ARSB: variants seen among roughly 807,000 people sequenced by gnomAD.
ARSB encodes N-acetylgalactosamine-4-sulfatase.
In ARSB, 41 loss-of-function variants were observed where a neutral mutation model predicts 50.9. That is an observed-to-expected ratio of 0.81 (90% CI 0.63 to 1.04). The LOEUF (loss-of-function observed/expected upper bound fraction) is 1.04. ARSB is among the 50% of genes least tolerant of loss of function. The pLI, the probability that ARSB is intolerant of heterozygous loss-of-function variation, is 0.00. For missense variants in ARSB, 672 were observed against 693.3 expected (o/e 0.97, Z 0.35); for synonymous variants, 269 against 284.8 (o/e 0.94, Z 0.56).
intron 6 of ARSB, among the ~76,000 whole-genome samples, chr5:78,826,612 T>A (rs1353060794): frequency 6.6e-6 from 1 of 152,192 alleles, no homozygotes; most frequent in East Asian, 1.9e-4. Flanking sequence ...TTCTTTTCTT[T>A]ATTGCTCTCC....
intron 7 of ARSB, 58 bp downstream of exon 7, chr5:78,781,794 G>A (rs1748932988): frequency 2.5e-6 from 4 of 1,610,900 alleles, no homozygotes; most frequent in Non-Finnish European, 3.4e-6. Flanking sequence ...CTGCCCTGAG[G>A]ACACAGCCCT....
Position 78,873,311 on chromosome 5 carries a change from G to T in ARSB, c.1142+12273C>A, listed in dbSNP as rs147705045. On this transcript the variant is annotated intron_variant, in intron 5 of 7. Coordinates refer to ENST00000264914, the MANE Select transcript of ARSB (RefSeq NM_000046.5). ...TACATGACATTCTCTATGTGAAAGC[G>T]TGTAGAGAATAGAAATTAAAAGAGA... Among the ~76,000 whole-genome samples the T allele has an allele frequency of 2.6e-5, 4 of 151,894 alleles. No homozygotes were observed. In the South Asian group the frequency reaches 8.3e-4, roughly 32 times the overall value.
intron 5 of ARSB, among the ~76,000 whole-genome samples, chr5:78,840,707 T>A (rs1300738550): frequency 6.8e-6 from 1 of 147,572 alleles, no homozygotes; most frequent in Non-Finnish European, 1.5e-5. Flanking sequence ...TAAATCACAG[T>A]GATCAGAGAC....
At chr5:78,784,660 G>A (rs1450054208) in intron 6 of ARSB, among the ~76,000 whole-genome samples, 1 of 152,086 alleles carries the variant, frequency 6.6e-6, no homozygotes, top group African/African-American at 2.4e-5. Flanking sequence ...TAGTACATGT[G>A]AACTTTTGTT....
intron 4 of ARSB, among the ~76,000 whole-genome samples, chr5:78,922,552 A>G (rs1749871621): frequency 6.6e-6 from 1 of 151,904 alleles, no homozygotes; most frequent in Non-Finnish European, 1.5e-5. Context: ...AGCAATACCC[A>G]GGCAGTACTT....
intron 5 of ARSB, among the ~76,000 whole-genome samples, chr5:78,849,759 CT>C (rs1334831306): frequency 2.0e-4 from 29 of 145,662 alleles, no homozygotes; most frequent in African/African-American, 5.9e-4. Context: ...TGTAGTTCTC[CT>C]TGAAGAGGTC....
chr5:78,897,123 C>A (rs961377115), intron 4 of ARSB, among the ~76,000 whole-genome samples: 2 of 151,908 alleles, frequency 1.3e-5, no homozygotes, highest in Admixed American at 1.3e-4. Context: ...ATTAAAACCA[C>A]GCAAAAAATA....
intron 6 of ARSB, among the ~76,000 whole-genome samples, chr5:78,835,713 A>G (rs1293652590): frequency 1.3e-5 from 2 of 152,204 alleles, no homozygotes; most frequent in Non-Finnish European, 2.9e-5. Context: ...GGAGAGAAGC[A>G]GAGTAAGCAG....
At chr5:78,929,077 A>C (rs1173401488) in intron 4 of ARSB, among the ~76,000 whole-genome samples, 1 of 152,070 alleles carries the variant, frequency 6.6e-6, no homozygotes, top group African/African-American at 2.4e-5. Flanking sequence ...CTCCCCTAAG[A>C]AGCTCCTCAA....
intron 5 of ARSB, among the ~76,000 whole-genome samples, chr5:78,870,902 T>A (rs907664765): frequency 3.3e-5 from 5 of 152,278 alleles, no homozygotes; most frequent in East Asian, 1.9e-4. Context: ...ACATGATTGT[T>A]TATCTAGAAA....
At chr5:78,846,338 T>C (rs2112017699) in intron 5 of ARSB, among the ~76,000 whole-genome samples, 1 of 152,332 alleles carries the variant, frequency 6.6e-6, no homozygotes, top group East Asian at 1.9e-4. Context: ...CTTTGTTCTT[T>C]TCATTCAGGA....
intron 4 of ARSB, among the ~76,000 whole-genome samples, chr5:78,895,889 TG>T (rs1368885195): frequency 1.3e-5 from 2 of 152,172 alleles, no homozygotes; most frequent in African/African-American, 4.8e-5. Flanking sequence ...AGGACATGGC[TG>T]TGACCTTAAG....
chr5:78,865,053 C>T (rs1055030678), intron 5 of ARSB, among the ~76,000 whole-genome samples: 2 of 152,012 alleles, frequency 1.3e-5, no homozygotes, highest in African/African-American at 2.4e-5. Context: ...TGCAAGCTGT[C>T]GTGGGTCTAT....
At position 78,779,368 on chromosome 5, in the gene ARSB, C is replaced by A. The variant is rs1186522900; in HGVS notation, c.*1029G>T. On this transcript the variant is annotated 3_prime_UTR_variant, in exon 8 of 8. Coordinates refer to ENST00000264914, the MANE Select transcript of ARSB (RefSeq NM_000046.5). ...GGCCACTTGCTTTTTCATATCCTTT[C>A]CTGAGGTTTCTTCTCACTGCTAGTA... 1.3e-5 allele frequency: 2 copies of A among 152,186 alleles called. No individual in the cohort carries two copies. Among genetic ancestry groups the A allele is most frequent in the East Asian group, 3.8e-4 (2 of 5,200 alleles). 9.4% of individuals were successfully genotyped at this position (152,186 alleles called of 1,614,324 possible). A position where few individuals can be genotyped will look rare whatever the true frequency, so the allele number is the denominator to read the frequency against.
At chr5:78,851,775 T>C (rs944847276) in intron 5 of ARSB, among the ~76,000 whole-genome samples, 6 of 152,226 alleles carry the variant, frequency 3.9e-5, no homozygotes, top group African/African-American at 1.4e-4. Flanking sequence ...TTAGGATAGT[T>C]AGCTCTTCTT....
chr5:78,867,129 C>A (rs2112128008), intron 5 of ARSB, among the ~76,000 whole-genome samples: 2 of 152,292 alleles, frequency 1.3e-5, no homozygotes, highest in African/African-American at 4.8e-5. Context: ...AAACGGCGTA[C>A]CACGAGACTA....
At chr5:78,924,845 C>T (rs1230830176) in intron 4 of ARSB, among the ~76,000 whole-genome samples, 1 of 152,176 alleles carries the variant, frequency 6.6e-6, no homozygotes, top group Non-Finnish European at 1.5e-5. Context: ...AAGCATTGTC[C>T]TGAAACACCA....
At chr5:78,847,633 G>A (rs577835273) in intron 5 of ARSB, among the ~76,000 whole-genome samples, 1 of 152,146 alleles carries the variant, frequency 6.6e-6, no homozygotes, top group African/African-American at 2.4e-5. Context: ...AGTTTGAGAA[G>A]AATTTTTATT....
At chr5:78,938,165 T>A (rs919419357) in intron 4 of ARSB, among the ~76,000 whole-genome samples, 13 of 152,078 alleles carry the variant, frequency 8.5e-5, no homozygotes, top group African/African-American at 3.1e-4. Flanking sequence ...AGAGGGGAGG[T>A]GGGACTACCA....
Sources: allele counts gnomAD v4.1 joint callset (sites outside exome capture counted in the v4.1 genomes callset), GRCh38; gene constraint gnomAD v4.1.1; transcripts MANE v1.5; gene names NCBI Gene and HGNC (gene_info 2026-07-23, HGNC 2026-07-21).